Variants in PM20D2 observed in about 807,000 individuals in gnomAD.
PM20D2 encodes xaa-Arg dipeptidase.
PM20D2 carries 33 observed loss-of-function variants against 42.9 expected under a neutral mutation model. The observed-to-expected ratio is 0.77, with a 90% CI of 0.58 to 1.03. The LOEUF (loss-of-function observed/expected upper bound fraction) is 1.03. Ranked by LOEUF, PM20D2 falls within the 50% of genes least tolerant of loss-of-function variation. The pLI, the probability that PM20D2 is intolerant of heterozygous loss-of-function variation, is 0.00. For synonymous variants in PM20D2, 250 were observed against 228.2 expected (o/e 1.10, Z -0.86); for missense variants, 548 against 557.0 (o/e 0.98, Z 0.16).
At position 89,146,585 on chromosome 6, in the gene PM20D2, C is replaced by A; in HGVS notation, c.441C>A (p.Leu147=). 1.4e-6 allele frequency: 2 copies of A among 1,462,742 alleles called. No homozygotes were observed. Among genetic ancestry groups the A allele is most frequent in the Non-Finnish European group, 1.8e-6 (2 of 1,113,652 alleles). The allele number at this position is 1,462,742 out of a possible 1,614,324, so 90.6% of individuals were successfully genotyped here. Residue 147 remains leucine (L), a synonymous_variant, in exon 1 of 7, where the codon CTC becomes CTA. Transcript: ENST00000275072. ...ALGVRGALEG[L]PRPPPPVKVV... ...GCGTGAGGGGGGCCTTAGAGGGCCT[C>A]CCCAGGCCGCCTCCGCCCGTGAAGG...
Position 89,165,130 on chromosome 6 carries a change from TG to T in PM20D2, c.*2868del. 1.3e-5 allele frequency: 2 copies of T among 152,006 alleles called. 1 individual carries two copies. Among genetic ancestry groups the T allele is most frequent in the South Asian group, 4.1e-4 (2 of 4,828 alleles). 9.4% of individuals were successfully genotyped at this position (152,006 alleles called of 1,614,324 possible). ...GTCAGTCATTTTGAACAAAAGAAATTGATACAATAAGTTTTTTTTTTTAAGG... is the reference window on the plus strand; with the variant it reads ...GTCAGTCATTTTGAACAAAAGAAATTATACAATAAGTTTTTTTTTTTAAGG... On this transcript the variant is annotated 3_prime_UTR_variant, in exon 7 of 7. Transcript: ENST00000275072.
upstream of PM20D2, among the ~76,000 whole-genome samples, chr6:89,145,799 C>A (rs905382870): frequency 6.6e-6 from 1 of 152,212 alleles, no homozygotes; most frequent in Admixed American, 6.5e-5. Context: ...TCTCATTCTG[C>A]TGCTGTGGGA....
chr6:89,152,980 C>G, intron 2 of PM20D2, 63 bp from the exon 3 acceptor site: 3 of 1,385,490 alleles, frequency 2.2e-6, no homozygotes, highest in Non-Finnish European at 2.9e-6. Flanking sequence ...ATTCTGACTA[C>G]CTGGATTTTC....
the PM20D2 span, chr6:89,105,429 T>G: frequency 1.2e-6 from 2 of 1,602,202 alleles, no homozygotes; most frequent in Non-Finnish European, 1.7e-6. Flanking sequence ...ACACTTACTT[T>G]TGCGATCACC....
At chr6:89,107,320 C>A in the PM20D2 span, 4 of 1,310,178 alleles carry the variant, frequency 3.1e-6, no homozygotes, top group Non-Finnish European at 4.3e-6. Context: ...ATTTTGCCTA[C>A]AGAAATCCAC....
At chr6:89,154,962 T>C (rs1422782911) in intron 4 of PM20D2, 60 bp downstream of exon 4, 3 of 1,319,968 alleles carry the variant, frequency 2.3e-6, no homozygotes, top group Non-Finnish European at 3.0e-6. Context: ...GGGCTAGCAC[T>C]GTTAGATTGA....
chr6:89,125,715 G>A, the PM20D2 span, among the ~76,000 whole-genome samples: 8 of 151,756 alleles, frequency 5.3e-5, no homozygotes, highest in African/African-American at 1.2e-4. Context: ...CCCAGTAGGC[G>A]GACGTTGCAG....
At chr6:89,098,995 G>C in the PM20D2 span, 3 of 1,532,382 alleles carry the variant, frequency 2.0e-6, no homozygotes, top group East Asian at 6.8e-5. Context: ...CAAAATAAGA[G>C]ATCAGGAAAT....
At chr6:89,106,464 G>A in the PM20D2 span, among the ~76,000 whole-genome samples, 2 of 152,042 alleles carry the variant, frequency 1.3e-5, no homozygotes, top group Non-Finnish European at 2.9e-5. Flanking sequence ...AAACATAAAA[G>A]CAATCTGTAA....
rs375985721 is a variant in PM20D2, at chr6:89,150,610, G to A, written c.614+1197G>A. On this transcript the variant is annotated intron_variant, in intron 2 of 6. Transcript: ENST00000275072. ...ACTGGAGTGCAGTGGCACGATCTTG[G>A]CTCACTGCAACCTCCGCATCCCAGG... is the stretch of plus-strand genomic sequence containing the variant. Among the ~76,000 whole-genome samples the A allele has an allele frequency of 9.5e-4, 129 of 136,498 alleles. 1 individual carries two copies. Among genetic ancestry groups the A allele is most frequent in the African/African-American group, 3.4e-3 (122 of 36,014 alleles). The allele number at this position is 136,498 out of a possible 152,430, so 89.5% of individuals were successfully genotyped here.
chr6:89,101,242 C>A, the PM20D2 span, among the ~76,000 whole-genome samples: 1 of 152,022 alleles, frequency 6.6e-6, no homozygotes, highest in Non-Finnish European at 1.5e-5. Context: ...CATACAGTCA[C>A]ACAAGCCAGA....
At chr6:89,123,692 A>C in the PM20D2 span, among the ~76,000 whole-genome samples, 1 of 141,330 alleles carries the variant, frequency 7.1e-6, no homozygotes, top group African/African-American at 2.7e-5. Context: ...ACTGCACTCC[A>C]GCCTAGGCAA....
intron 1 of PM20D2, among the ~76,000 whole-genome samples, chr6:89,147,390 C>A (rs534372559): frequency 2.6e-5 from 4 of 152,252 alleles, no homozygotes; most frequent in Admixed American, 2.6e-4. Context: ...CTCTTTAGTT[C>A]ATTTCCCCCA....
chr6:89,138,425 A>C, the PM20D2 span, among the ~76,000 whole-genome samples: 1 of 152,186 alleles, frequency 6.6e-6, no homozygotes, highest in Non-Finnish European at 1.5e-5. Flanking sequence ...ACAATGAAGA[A>C]AGTATTTACT....
chr6:89,098,552 C>G, the PM20D2 span: 4 of 1,571,250 alleles, frequency 2.5e-6, no homozygotes, highest in African/African-American at 5.5e-5. Flanking sequence ...ATATTAAAGA[C>G]GGCGTGGTGC....
the PM20D2 span, chr6:89,107,208 A>G: frequency 6.2e-7 from 1 of 1,614,012 alleles, no homozygotes; most frequent in Non-Finnish European, 8.5e-7. Flanking sequence ...TGGAATGTAA[A>G]CGTCTACTAT....
At chr6:89,127,448 G>T in the PM20D2 span, among the ~76,000 whole-genome samples, 4 of 151,814 alleles carry the variant, frequency 2.6e-5, no homozygotes, top group Non-Finnish European at 5.9e-5. Context: ...TCCTGCCTCA[G>T]CCTCCCGAAT....
chr6:89,107,897 T>G, the PM20D2 span, among the ~76,000 whole-genome samples: 3 of 152,296 alleles, frequency 2.0e-5, no homozygotes, highest in South Asian at 6.2e-4. Context: ...ACCCAGCATA[T>G]CCACCTCTGA....
At position 89,146,315 on chromosome 6, in the gene PM20D2, T is replaced by A; in HGVS notation, c.171T>A (p.His57Gln). ...CCGAGCTGGCCTACGAGGAGCACCATGCCCACCGCGTGCTGACGCACTTCT... is the reference window on the plus strand; with the variant it reads ...CCGAGCTGGCCTACGAGGAGCACCAAGCCCACCGCGTGCTGACGCACTTCT... ...SQPELAYEEH[H>Q]AHRVLTHFFE... Residue 57 changes from histidine (H) to glutamine (Q), a missense_variant, in exon 1 of 7, where the codon CAT becomes CAA. His to Gln is a conservative substitution (Grantham distance 24). This residue lies in a region of PM20D2 where 470 missense variants were observed against 464.4 expected (regional missense o/e 1.01). Transcript: ENST00000275072. 1 of 1,579,526 alleles carries A rather than the reference T, an allele frequency of 6.3e-7. No individual in the cohort carries two copies. The highest frequency in any genetic ancestry group is 8.5e-7 in the Non-Finnish European group (1 of 1,171,040).
Sources: allele counts gnomAD v4.1 joint callset (sites outside exome capture counted in the v4.1 genomes callset), GRCh38; gene constraint gnomAD v4.1.1; regional missense constraint gnomAD v4.1.1; transcripts MANE v1.5; gene names NCBI Gene and HGNC (gene_info 2026-07-23, HGNC 2026-07-21).